The following ITPKB variants were observed in gnomAD, a reference collection of about 807,000 sequenced individuals.
ITPKB encodes IP3 3-kinase B.
Under a neutral mutation model 69.4 loss-of-function variants are expected in ITPKB, and 13 were observed. That is an observed-to-expected ratio of 0.19 (90% CI 0.12 to 0.30). The LOEUF is 0.30. Among genes scored for constraint, ITPKB ranks in the 10% least tolerant of loss-of-function variants. The pLI is 1.00. For missense variants in ITPKB, 1,240 were observed against 1,250.5 expected (o/e 0.99, Z 0.13); for synonymous variants, 584 against 513.7 (o/e 1.14, Z -1.85).
intron 2 of ITPKB, among the ~76,000 whole-genome samples, chr1:226,701,626 A>AG (rs1269694389): frequency 2.4e-4 from 36 of 151,126 alleles, no homozygotes; most frequent in Admixed American, 7.3e-4. Flanking sequence ...AAAAAAAAAA[A>AG]AAAAACTTCA....
intron 2 of ITPKB, among the ~76,000 whole-genome samples, chr1:226,697,297 A>G (rs1208253988): frequency 6.6e-6 from 1 of 152,230 alleles, no homozygotes; most frequent in East Asian, 1.9e-4. Flanking sequence ...GGCATAGTAC[A>G]GTGTCTGGCA....
intron 2 of ITPKB, chr1:226,707,912 G>A: frequency 3.0e-6 from 4 of 1,333,450 alleles, no homozygotes; most frequent in Non-Finnish European, 4.0e-6. Context: ...TTCCCAAGAA[G>A]TCACTAAAGG....
At chr1:226,709,161 T>A (rs1187053188) in intron 2 of ITPKB, among the ~76,000 whole-genome samples, 1 of 152,238 alleles carries the variant, frequency 6.6e-6, no homozygotes, top group African/African-American at 2.4e-5. Context: ...AAAACTGCCT[T>A]CTGGGTTAGA....
rs1244430058 is a variant in ITPKB, at chr1:226,729,635, A to G, written c.1932+5892T>C. Reference sequence around the variant, plus strand: ...GCTCTGTCACCCAGGCTGGAGTGCAATGGTGCAATCTCGGCTCACTGCAAC... The same window carrying G: ...GCTCTGTCACCCAGGCTGGAGTGCAGTGGTGCAATCTCGGCTCACTGCAAC... On this transcript the variant is annotated intron_variant, in intron 2 of 7. Coordinates refer to ENST00000429204, the MANE Select transcript of ITPKB (RefSeq NM_002221.4). Among the ~76,000 whole-genome samples the G allele has an allele frequency of 2.0e-5, 3 of 151,320 alleles. No individual in the cohort carries two copies. In the East Asian group the frequency reaches 5.9e-4, roughly 30 times the overall value.
At chr1:226,719,173 G>A (rs571508550) in intron 2 of ITPKB, among the ~76,000 whole-genome samples, 1 of 152,318 alleles carries the variant, frequency 6.6e-6, no homozygotes, top group South Asian at 2.1e-4. Context: ...CAGCTACTCG[G>A]GAGGCTGAGG....
intron 2 of ITPKB, among the ~76,000 whole-genome samples, chr1:226,683,678 G>A (rs1247742427): frequency 1.3e-5 from 2 of 151,968 alleles, no homozygotes. Flanking sequence ...GAGTCCCCCC[G>A]ACTTGATGCT....
intron 2 of ITPKB, among the ~76,000 whole-genome samples, chr1:226,704,377 A>G (rs1366851504): frequency 6.6e-6 from 1 of 152,210 alleles, no homozygotes; most frequent in Non-Finnish European, 1.5e-5. Context: ...GACTACCCAC[A>G]TTGCAACAGG....
chr1:226,710,880 C>A (rs1400430801), intron 2 of ITPKB, among the ~76,000 whole-genome samples: 1 of 152,174 alleles, frequency 6.6e-6, no homozygotes, highest in African/African-American at 2.4e-5. Context: ...GGGACTGGAG[C>A]CCAGAGAATT....
At chr1:226,687,968 G>A (rs918509066) in intron 2 of ITPKB, among the ~76,000 whole-genome samples, 4 of 152,208 alleles carry the variant, frequency 2.6e-5, no homozygotes, top group African/African-American at 9.6e-5. Flanking sequence ...CCAGCCAAGG[G>A]AGTGTCTGTA....
intron 2 of ITPKB, among the ~76,000 whole-genome samples, chr1:226,652,072 T>C (rs1669205878): frequency 6.6e-6 from 1 of 152,218 alleles, no homozygotes; most frequent in Non-Finnish European, 1.5e-5. Flanking sequence ...ACACAGGGTT[T>C]CCCCATGGTT....
chr1:226,711,442 A>AGAGTGT (rs1491474441), intron 2 of ITPKB, among the ~76,000 whole-genome samples: 176 of 102,356 alleles, frequency 1.7e-3, no homozygotes, highest in African/African-American at 6.3e-3. Flanking sequence ...AGAGAGAGAG[A>AGAGTGT]GTGTGTGTGT....
At chr1:226,709,531 T>G (rs1345569787) in intron 2 of ITPKB, among the ~76,000 whole-genome samples, 3 of 152,186 alleles carry the variant, frequency 2.0e-5, no homozygotes, top group African/African-American at 7.2e-5. Flanking sequence ...TTGGAAACTA[T>G]GCAGCAGGCT....
chr1:226,672,950 C>G (rs1340021405), intron 2 of ITPKB, among the ~76,000 whole-genome samples: 3 of 152,226 alleles, frequency 2.0e-5, no homozygotes, highest in Admixed American at 2.0e-4. Context: ...CAGTAATTAA[C>G]AAAGCAAAAA....
intron 2 of ITPKB, among the ~76,000 whole-genome samples, chr1:226,706,291 A>G (rs1479569207): frequency 6.6e-6 from 1 of 152,264 alleles, no homozygotes; most frequent in African/African-American, 2.4e-5. Flanking sequence ...CTTGATAGTG[A>G]AACCCATTGG....
chr1:226,715,092 G>C (rs1657063725), intron 2 of ITPKB, among the ~76,000 whole-genome samples: 2 of 152,220 alleles, frequency 1.3e-5, no homozygotes, highest in African/African-American at 4.8e-5. Flanking sequence ...TTTTAGACAT[G>C]TCACTTAACT....
intron 4 of ITPKB, among the ~76,000 whole-genome samples, chr1:226,643,341 G>A (rs1669000886): frequency 6.6e-6 from 1 of 152,144 alleles, no homozygotes; most frequent in South Asian, 2.1e-4. Flanking sequence ...TCTCCTTTTA[G>A]AGCCCCAGTC....
At chr1:226,656,508 G>A (rs1175980249) in intron 2 of ITPKB, 1 of 152,230 alleles carries the variant, frequency 6.6e-6, no homozygotes, top group Non-Finnish European at 1.5e-5. Flanking sequence ...ACTTCAGGAA[G>A]GCAGCTCCTT....
intron 1 of ITPKB, among the ~76,000 whole-genome samples, 156 bp from the exon 2 acceptor site, chr1:226,737,819 G>A (rs1228173037): frequency 1.3e-5 from 2 of 152,120 alleles, no homozygotes; most frequent in Non-Finnish European, 2.9e-5. Flanking sequence ...GGCTCGGCGA[G>A]GGCATGCCCC....
At chr1:226,652,080 G>C (rs571952922) in intron 2 of ITPKB, among the ~76,000 whole-genome samples, 73 of 152,330 alleles carry the variant, frequency 4.8e-4, no homozygotes, top group African/African-American at 1.4e-3. Flanking sequence ...TTTCCCCATG[G>C]TTTTTAAATA....
Sources: gnomAD v4.1 joint callset for allele counts (sites outside exome capture counted in the v4.1 genomes callset) on GRCh38, gnomAD v4.1.1 for gene constraint, MANE v1.5 for transcripts, NCBI Gene and HGNC (gene_info 2026-07-23, HGNC 2026-07-21) for gene names.